Variants in HNRNPR observed in about 807,000 individuals in gnomAD.
HNRNPR encodes the protein heterogeneous nuclear ribonucleoprotein R.
HNRNPR carries 4 observed loss-of-function variants against 70.3 expected under a neutral mutation model. The observed-to-expected ratio is 0.06, with a 90% CI of 0.03 to 0.13. The LOEUF is 0.13. Among genes scored for constraint, HNRNPR ranks in the 10% least tolerant of loss-of-function variants. HNRNPR has a pLI of 1.00. For synonymous variants in HNRNPR, 241 were observed against 267.6 expected (o/e 0.90, Z 0.97); for missense variants, 423 against 788.5 (o/e 0.54, Z 5.55).
intron 1 of HNRNPR, among the ~76,000 whole-genome samples, chr1:23,342,762 A>G (rs1029989385): frequency 1.3e-5 from 2 of 152,196 alleles, no homozygotes; most frequent in South Asian, 4.1e-4. Context: ...TCAGTCACAG[A>G]AAAGAGGCAA....
rs139943398 is a variant in HNRNPR at position 23,318,340 on chromosome 1, T to A, written c.1017+143A>T. The A allele has an allele frequency of 4.5e-4, 294 of 649,402 alleles. 3 individuals carry two copies. In the African/African-American group the frequency reaches 4.7e-3, roughly 10 times the overall value. 40.2% of individuals were successfully genotyped at this position (649,402 alleles called of 1,614,324 possible). On this transcript the variant is annotated intron_variant, in intron 8 of 10. Coordinates refer to ENST00000302271, the MANE Select transcript of HNRNPR (RefSeq NM_005826.5). This position sits in a 1 kb window ranked among gnomAD's most constrained non-coding sequence, Gnocchi z 4.2. ...GGATACCAAGACAGGCTGTTAACTTTAGTGTTAAAGCCGCTCCTTGCCAAA... is the reference window on the plus strand; with the variant it reads ...GGATACCAAGACAGGCTGTTAACTTAAGTGTTAAAGCCGCTCCTTGCCAAA...
intron 5 of HNRNPR, among the ~76,000 whole-genome samples, chr1:23,327,751 TAAG>T (rs372630329): frequency 1.9e-3 from 287 of 151,890 alleles, no homozygotes; most frequent in African/African-American, 6.6e-3. Flanking sequence ...TATTAAATGT[TAAG>T]AAGAAGGAAA....
intron 5 of HNRNPR, among the ~76,000 whole-genome samples, chr1:23,327,281 T>C (rs1646026601): frequency 6.6e-6 from 1 of 152,182 alleles, no homozygotes; most frequent in African/African-American, 2.4e-5. Context: ...TAATTAGATA[T>C]ACCTTGGACT....
intron 1 of HNRNPR, among the ~76,000 whole-genome samples, chr1:23,343,748 C>T (rs1646794553): frequency 6.6e-6 from 1 of 152,240 alleles, no homozygotes; most frequent in South Asian, 2.1e-4. Context: ...CTGGGATCTG[C>T]ACCCCGCCTT....
At chr1:23,344,029 TTCGGCCGGGCTAGGCCCACAGCCGC>T (rs1646815574) in intron 1 of HNRNPR, among the ~76,000 whole-genome samples, 157 bp downstream of exon 1, 1 of 151,858 alleles carries the variant, frequency 6.6e-6, no homozygotes, top group African/African-American at 2.4e-5. Context: ...CGAGAAGCGT[TTCGGCCGGGCTAGGCCCACAGCCGC>T]GCGGGCGGAC....
intron 4 of HNRNPR, among the ~76,000 whole-genome samples, chr1:23,335,867 C>T (rs992286154): frequency 6.6e-6 from 1 of 151,970 alleles, no homozygotes; most frequent in Non-Finnish European, 1.5e-5. Flanking sequence ...CCTGTAATCC[C>T]AGCACTTTGG....
intron 2 of HNRNPR, among the ~76,000 whole-genome samples, chr1:23,340,055 A>G (rs1646655024): frequency 6.6e-6 from 1 of 151,832 alleles, no homozygotes; most frequent in Non-Finnish European, 1.5e-5. Flanking sequence ...AAAAACAGCT[A>G]TTTGCTACTA....
At chr1:23,333,001 T>A (rs1390494770) in intron 5 of HNRNPR, among the ~76,000 whole-genome samples, 1 of 152,100 alleles carries the variant, frequency 6.6e-6, no homozygotes, top group African/African-American at 2.4e-5. Flanking sequence ...CTGACCAACA[T>A]GGTGAAACCC....
chr1:23,333,733 T>G (rs1646338748), intron 4 of HNRNPR, 102 bp from the exon 5 acceptor site: 2 of 609,706 alleles, frequency 3.3e-6, no homozygotes, highest in Non-Finnish European at 5.8e-6. Context: ...TCCTAGGAGA[T>G]ATATTTTTAT....
chr1:23,323,779 T>C, intron 5 of HNRNPR, 47 bp from the exon 6 acceptor site: 1 of 1,542,530 alleles, frequency 6.5e-7, no homozygotes, highest in Non-Finnish European at 8.9e-7. Context: ...CATTTGATTT[T>C]AGAGCCATAA....
chr1:23,311,070 G>A lies in HNRNPR; in HGVS notation c.1290-4C>T. On this transcript the variant is annotated splice_region_variant and splice_polypyrimidine_tract_variant and intron_variant, in intron 10 of 10. Transcript: ENST00000302271. ...GTGGTAGTAATAATCTTCATACCTAGCAAAGTAGAGAAGGGAGAAAAGAAA... is the reference window on the plus strand; with the variant it reads ...GTGGTAGTAATAATCTTCATACCTAACAAAGTAGAGAAGGGAGAAAAGAAA... 6.2e-7 allele frequency: 1 copy of A among 1,612,850 alleles called. No individual in the cohort carries two copies. Among genetic ancestry groups the A allele is most frequent in the Non-Finnish European group, 8.5e-7 (1 of 1,179,358 alleles).
At chr1:23,332,889 A>C (rs1646299556) in intron 5 of HNRNPR, among the ~76,000 whole-genome samples, 1 of 130,518 alleles carries the variant, frequency 7.7e-6, no homozygotes, top group South Asian at 2.3e-4. Context: ...AAAAAGCAAA[A>C]ACCAAAAAAA....
At chr1:23,343,082 T>C (rs1211629573) in intron 1 of HNRNPR, among the ~76,000 whole-genome samples, 2 of 152,360 alleles carry the variant, frequency 1.3e-5, no homozygotes, top group South Asian at 2.1e-4. Flanking sequence ...ATGAGACCAT[T>C]TGAAACTCAT....
chr1:23,338,352 T>C (rs1646582011), intron 3 of HNRNPR, 138 bp downstream of exon 3: 1 of 462,848 alleles, frequency 2.2e-6, no homozygotes, highest in African/African-American at 2.0e-5. Flanking sequence ...CACAAGCAGT[T>C]TTTTTCCTTT....
chr1:23,340,822 C>T, intron 2 of HNRNPR, 30 bp downstream of exon 2: 2 of 1,564,680 alleles, frequency 1.3e-6, no homozygotes, highest in Non-Finnish European at 1.7e-6. Flanking sequence ...ACTTTCATAA[C>T]CAGTCAGAAA....
chr1:23,331,248 T>A (rs1570054932), intron 5 of HNRNPR, among the ~76,000 whole-genome samples: 1 of 152,052 alleles, frequency 6.6e-6, no homozygotes, highest in Non-Finnish European at 1.5e-5. Flanking sequence ...TATCAACTAT[T>A]TGTTTCGAAT....
At chr1:23,329,101 A>G (rs1431907317) in intron 5 of HNRNPR, among the ~76,000 whole-genome samples, 3 of 152,198 alleles carry the variant, frequency 2.0e-5, no homozygotes, top group African/African-American at 4.8e-5. Flanking sequence ...AGCCTGGGCA[A>G]GAGTGAGATC....
rs1406365797 is a variant in HNRNPR, at chr1:23,323,565, G to A, written c.666C>T (p.Ala222=). ...TFCGKEAAQE[A]VKLCDSYEIR... is the part of the protein sequence containing the mutation. ...GATAATTATCACATACCAGTTTCAC[G>A]GCTTCCTGTGCAGCTTCCTTTCCAC... The change falls in exon 6 of 11, where the codon GCC becomes GCT. Residue 222 remains alanine, a synonymous_variant. Coordinates refer to ENST00000302271, the MANE Select transcript of HNRNPR (RefSeq NM_005826.5). 6.8e-6 allele frequency: 11 copies of A among 1,612,848 alleles called. No homozygotes were observed. The highest frequency in any genetic ancestry group is 3.3e-5 in the South Asian group (3 of 90,960).
At position 23,306,846 on chromosome 1, in the gene HNRNPR, G is replaced by A. The variant is rs1381940888; in HGVS notation, c.*3608C>T. 6.6e-6 allele frequency: 1 copy of A among 152,110 alleles called. No homozygotes were observed. Among genetic ancestry groups the A allele is most frequent in the African/African-American group, 2.4e-5 (1 of 41,436 alleles). 9.4% of individuals were successfully genotyped at this position (152,110 alleles called of 1,614,324 possible). On this transcript the variant is annotated 3_prime_UTR_variant, in exon 11 of 11. Coordinates refer to ENST00000302271, the MANE Select transcript of HNRNPR (RefSeq NM_005826.5). Reference sequence around the variant, plus strand: ...ATAAAAGTAAACATGTCTGGCTAATGGATTTGTTATTCTGGATTCTCCAGT... The same window carrying A: ...ATAAAAGTAAACATGTCTGGCTAATAGATTTGTTATTCTGGATTCTCCAGT...
Sources: allele counts gnomAD v4.1 joint callset (sites outside exome capture counted in the v4.1 genomes callset), GRCh38; gene constraint gnomAD v4.1.1; non-coding constraint Gnocchi (gnomAD v3.1); transcripts MANE v1.5; gene names NCBI Gene and HGNC (gene_info 2026-07-23, HGNC 2026-07-21).